PTPRO: variants seen among roughly 807,000 people sequenced by gnomAD.
The protein encoded by PTPRO is receptor-type tyrosine-protein phosphatase O.
A neutral mutation model predicts 145.2 loss-of-function variants in PTPRO; 62 were observed. The observed-to-expected ratio is 0.43, with a 90% CI of 0.35 to 0.53. PTPRO has a LOEUF of 0.53. Ranked by LOEUF, PTPRO falls within the 20% of genes least tolerant of loss-of-function variation. The probability of loss-of-function intolerance (pLI) is 0.01; values close to 1 mark genes in which losing one functional copy is unlikely to be tolerated. For missense variants in PTPRO, 1,345 were observed against 1,482.7 expected, an observed-to-expected ratio of 0.91 and a Z score of 1.53; for synonymous variants, 565 against 514.7, an observed-to-expected ratio of 1.10 and a Z score of -1.32.
At position 15,520,217 on chromosome 12, in the gene PTPRO, T is replaced by G. The variant is rs1386481750; in HGVS notation, c.1796T>G (p.Leu599Arg). ...CTCATTCAGAGAATAGCTAATCTGC[T>G]GCCAGCATGGTACTACAACTTCCGG... The part of the protein sequence containing the change: ...LTASVRIANL[L>R]PAWYYNFRVT... Residue 599 changes from leucine (L) to arginine (R), a missense_variant, in exon 10 of 27, where the codon CTG becomes CGG. This residue lies in a region of PTPRO where 1,130 missense variants were observed against 1,214.7 expected (regional missense o/e 0.93). Coordinates refer to ENST00000281171, the MANE Select transcript of PTPRO (RefSeq NM_030667.3). The G allele has an allele frequency of 1.9e-6, 3 of 1,613,620 alleles. No individual in the cohort carries two copies. Among genetic ancestry groups the G allele is most frequent in the Non-Finnish European group, 2.5e-6 (3 of 1,179,672 alleles).
At position 15,507,273 on chromosome 12, in the gene PTPRO, C is replaced by T. The variant is rs140805386; in HGVS notation, c.1268-1298C>T. ...ACTAAAAGTACGAATATTAGCCAGG[C>T]ATAGTGGTGGGCACCTGTAATCCCA... On this transcript the variant is annotated intron_variant, in intron 6 of 26. Transcript: ENST00000281171. 9.7e-3 allele frequency among the ~76,000 whole-genome samples: 1,475 copies of T among 151,964 alleles called. 16 individuals are homozygous for T. Among genetic ancestry groups the T allele is most frequent in the Non-Finnish European group, 0.012 (808 of 67,960 alleles).
chr12:15,432,577 A>G (rs1257774533), intron 1 of PTPRO, among the ~76,000 whole-genome samples: 3 of 152,232 alleles, frequency 2.0e-5, no homozygotes, highest in Non-Finnish European at 4.4e-5. Flanking sequence ...AGGAATTGCC[A>G]CAGTGTCTTC....
chr12:15,561,177 A>T (rs1246411055), intron 17 of PTPRO, among the ~76,000 whole-genome samples: 1 of 152,128 alleles, frequency 6.6e-6, no homozygotes, highest in African/African-American at 2.4e-5. Flanking sequence ...GTACAGACAG[A>T]TCCATAAATG....
chr12:15,370,024 C>A, intron 1 of PTPRO, among the ~76,000 whole-genome samples: 1 of 151,284 alleles, frequency 6.6e-6, no homozygotes, highest in Non-Finnish European at 1.5e-5. Flanking sequence ...TCCACTCCAG[C>A]CTGGGCAACA....
intron 24 of PTPRO, 150 bp downstream of exon 24, chr12:15,587,201 T>C (rs1944447956): frequency 7.1e-6 from 6 of 846,670 alleles, no homozygotes; most frequent in Middle Eastern, 3.5e-4. Flanking sequence ...TGTCTCACTA[T>C]ATACAATGTT....
intron 24 of PTPRO, among the ~76,000 whole-genome samples, chr12:15,587,723 A>G (rs1944459786): frequency 6.6e-6 from 1 of 152,214 alleles, no homozygotes. Context: ...ATCAAAATCT[A>G]TCTCTGTGAT....
intron 1 of PTPRO, among the ~76,000 whole-genome samples, chr12:15,426,728 T>C (rs1477738929): frequency 2.0e-5 from 3 of 152,048 alleles, no homozygotes; most frequent in Non-Finnish European, 4.4e-5. Flanking sequence ...TCAAAGATTT[T>C]ACCCAAATTT....
chr12:15,385,115 T>C (rs1394618543), intron 1 of PTPRO, among the ~76,000 whole-genome samples: 4 of 152,236 alleles, frequency 2.6e-5, no homozygotes, highest in African/African-American at 7.2e-5. Context: ...ATAATCCATT[T>C]AGTCAATTCA....
At chr12:15,396,747 G>C (rs1939352639) in intron 1 of PTPRO, among the ~76,000 whole-genome samples, 1 of 152,082 alleles carries the variant, frequency 6.6e-6, no homozygotes, top group Non-Finnish European at 1.5e-5. Context: ...AAATAAAATG[G>C]AAGTCAAGGA....
In PTPRO at chr12:15,587,504, A is replaced by G. The variant is rs903616626; in HGVS notation, c.3410+453A>G. On this transcript the variant is annotated intron_variant, in intron 24 of 26. Transcript: ENST00000281171. ...TGACATAATATAAATAGGCATAAAA[A>G]CTAGAAAAGGAAAAGAAAAATGAAA... Among the ~76,000 whole-genome samples the G allele has an allele frequency of 5.3e-5, 8 of 152,338 alleles. No homozygotes were observed. The East Asian group carries it at 1.5e-3, about 29-fold the overall frequency.
chr12:15,355,967 CTG>C (rs1471301782), intron 1 of PTPRO, among the ~76,000 whole-genome samples: 1 of 152,176 alleles, frequency 6.6e-6, no homozygotes, highest in African/African-American at 2.4e-5. Context: ...ATAAATATGA[CTG>C]TGTACTTTTA....
At chr12:15,373,790 A>G (rs1378851300) in intron 1 of PTPRO, among the ~76,000 whole-genome samples, 1 of 152,350 alleles carries the variant, frequency 6.6e-6, no homozygotes, top group Admixed American at 6.5e-5. Context: ...GGTAGAATAT[A>G]TAAGAACAAA....
At chr12:15,330,097 G>A (rs187569026) in intron 1 of PTPRO, among the ~76,000 whole-genome samples, 2 of 152,272 alleles carry the variant, frequency 1.3e-5, no homozygotes, top group East Asian at 3.9e-4. Context: ...AGGCCTTATC[G>A]AAGGGTTTAA....
intron 10 of PTPRO, among the ~76,000 whole-genome samples, chr12:15,521,980 T>C (rs1352232748): frequency 2.0e-5 from 3 of 152,214 alleles, no homozygotes; most frequent in Admixed American, 1.3e-4. Flanking sequence ...TTGATGTTGA[T>C]GATTTTCTAT....
chr12:15,554,492 G>A (rs1281209936), intron 15 of PTPRO, among the ~76,000 whole-genome samples: 1 of 151,546 alleles, frequency 6.6e-6, no homozygotes, highest in African/African-American at 2.4e-5. Flanking sequence ...TAACTTCCAC[G>A]ATCACAAGGC....
chr12:15,505,158 C>T (rs536275626), intron 6 of PTPRO, among the ~76,000 whole-genome samples: 2 of 152,288 alleles, frequency 1.3e-5, no homozygotes, highest in East Asian at 1.9e-4. Context: ...ACAGATCCAC[C>T]GCACATGTGA....
intron 15 of PTPRO, among the ~76,000 whole-genome samples, chr12:15,553,698 T>G (rs1943535908): frequency 6.6e-6 from 1 of 152,168 alleles, no homozygotes; most frequent in Non-Finnish European, 1.5e-5. Flanking sequence ...CTGACTTAGA[T>G]TTAACACTTT....
intron 1 of PTPRO, among the ~76,000 whole-genome samples, chr12:15,430,001 T>G (rs929943703): frequency 6.6e-6 from 1 of 151,566 alleles, no homozygotes; most frequent in African/African-American, 2.4e-5. Context: ...CAACTACCAA[T>G]TAGAGGAAAG....
chr12:15,501,216 G>A (rs1172625694), intron 4 of PTPRO, among the ~76,000 whole-genome samples: 1 of 152,118 alleles, frequency 6.6e-6, no homozygotes, highest in Non-Finnish European at 1.5e-5. Context: ...CATCTTCATA[G>A]CTATAAGTAC....
Sources: allele counts gnomAD v4.1 joint callset (sites outside exome capture counted in the v4.1 genomes callset), GRCh38; gene constraint gnomAD v4.1.1; regional missense constraint gnomAD v4.1.1; transcripts MANE v1.5; gene names NCBI Gene and HGNC (gene_info 2026-07-23, HGNC 2026-07-21).